Variants in RASL12 observed in about 807,000 individuals in gnomAD.
The protein encoded by RASL12 is RAS like family 12, also known as ras-like protein family member 12.
In RASL12, 16 loss-of-function variants were observed where a neutral mutation model predicts 22.9. The ratio of observed to expected loss-of-function variants is 0.70; its 90% CI spans 0.47 to 1.06. The LOEUF is 1.06. RASL12 is among the 50% of genes least tolerant of loss of function. The probability of loss-of-function intolerance (pLI) is 0.00; values close to 1 mark genes in which losing one functional copy is unlikely to be tolerated. For synonymous variants in RASL12, 159 were observed against 152.2 expected, an observed-to-expected ratio of 1.04 and a Z score of -0.33; for missense variants, 306 against 353.1, an observed-to-expected ratio of 0.87 and a Z score of 1.07.
intron 1 of RASL12, among the ~76,000 whole-genome samples, chr15:65,074,227 C>T (rs1201891261): frequency 2.9e-5 from 4 of 137,438 alleles, no homozygotes; most frequent in African/African-American, 1.1e-4. Context: ...GCCTGTCCCA[C>T]TCCTCTGAGC....
At chr15:65,070,434 T>C (rs1273402490), upstream of RASL12, among the ~76,000 whole-genome samples, 3 of 152,246 alleles carry the variant, frequency 2.0e-5, no homozygotes, top group African/African-American at 7.2e-5. Flanking sequence ...AACCGTTTAG[T>C]GACCAGAAGT....
chr15:65,062,549 G>A (rs1238035847), intron 2 of RASL12, among the ~76,000 whole-genome samples: 2 of 152,164 alleles, frequency 1.3e-5, no homozygotes, highest in Non-Finnish European at 2.9e-5. Flanking sequence ...TATAAAATGA[G>A]GATCGTGATA....
chr15:65,056,572 A>C (rs577712276), intron 4 of RASL12, among the ~76,000 whole-genome samples: 2 of 152,342 alleles, frequency 1.3e-5, no homozygotes, highest in Admixed American at 1.3e-4. Context: ...TCACAAACAC[A>C]AACCCCATGT....
chr15:65,055,331 A>C (rs2086718018), intron 4 of RASL12, 57 bp from the exon 5 acceptor site: 1 of 1,445,764 alleles, frequency 6.9e-7, no homozygotes, highest in Non-Finnish European at 9.2e-7. Context: ...CAAGTCAGGC[A>C]GACCAGCTCC....
upstream of RASL12, among the ~76,000 whole-genome samples, chr15:65,071,988 G>A (rs768518418): frequency 1.3e-5 from 2 of 150,306 alleles, no homozygotes; most frequent in South Asian, 2.1e-4. Flanking sequence ...TTGTTTCCTC[G>A]TCTGTGAAAT....
At position 65,067,778 on chromosome 15, in the gene RASL12, C is replaced by A; in HGVS notation, c.58G>T (p.Glu20Ter). 1 of 1,582,180 alleles carries A rather than the reference C, an allele frequency of 6.3e-7. No homozygotes were observed. Among genetic ancestry groups the A allele is most frequent in the Non-Finnish European group, 8.6e-7 (1 of 1,166,940 alleles). Residue 20 changes from glutamate to a stop codon, truncating the protein, a stop_gained, in exon 1 of 5, where the codon GAG becomes TAG. Transcript: ENST00000220062. LOFTEE classifies it high-confidence loss of function. ...CGCCCCAGGATGGCCAGGTTGACCT[C>A]GAGGGGCGCGCTCTGAGGCCCGCTG... ...AGSGPQSAPL[E>*]VNLAILGRRG...
Position 65,067,797 on chromosome 15 carries a change from C to A in RASL12, c.39G>T (p.Gly13=). 1 of 1,577,924 alleles carries A rather than the reference C, an allele frequency of 6.3e-7. No homozygotes were observed. Among genetic ancestry groups the A allele is most frequent in the South Asian group, 1.1e-5 (1 of 87,472 alleles). Residue 13 remains glycine (G), a synonymous_variant, in exon 1 of 5, where the codon GGG becomes GGT. Coordinates refer to ENST00000220062, the MANE Select transcript of RASL12 (RefSeq NM_016563.4). Reference sequence around the variant, plus strand: ...TGACCTCGAGGGGCGCGCTCTGAGGCCCGCTGCCCGCGCGGGGTTTTCCAA... The same window carrying A: ...TGACCTCGAGGGGCGCGCTCTGAGGACCGCTGCCCGCGCGGGGTTTTCCAA... ...SVFGKPRAGS[G]PQSAPLEVNL...
intron 2 of RASL12, among the ~76,000 whole-genome samples, chr15:65,062,607 C>T (rs2086822814): frequency 1.3e-5 from 2 of 151,254 alleles, no homozygotes; most frequent in Non-Finnish European, 3.0e-5. Context: ...TTACCACCCC[C>T]CCAGTTAAAC....
At chr15:65,065,423 T>C (rs957897008) in intron 1 of RASL12, 150 bp from the exon 2 acceptor site, 44 of 767,250 alleles carry the variant, frequency 5.7e-5, no homozygotes, top group Middle Eastern at 3.7e-4. Flanking sequence ...AACTGAGGAA[T>C]TGGTTTGAAA....
chr15:65,059,525 T>C, intron 2 of RASL12, 107 bp from the exon 3 acceptor site: 1 of 837,732 alleles, frequency 1.2e-6, no homozygotes, highest in Non-Finnish European at 2.0e-6. Context: ...TAGCAGCTGC[T>C]CTGGGGCTGG....
At chr15:65,047,486 A>G in the RASL12 span, among the ~76,000 whole-genome samples, 1 of 152,218 alleles carries the variant, frequency 6.6e-6, no homozygotes, top group African/African-American at 2.4e-5. Context: ...TGAATATCCC[A>G]TGTGTCTAAA....
rs2086683807 is a variant in RASL12 at position 65,053,426 on chromosome 15, C to T, written c.*1473G>A. 1.6e-6 allele frequency: 2 copies of T among 1,264,332 alleles called. No individual in the cohort carries two copies. The highest frequency in any genetic ancestry group is 1.9e-5 in the South Asian group (1 of 52,944). 78.3% of individuals were successfully genotyped at this position (1,264,332 alleles called of 1,614,324 possible). A position where few individuals can be genotyped will look rare whatever the true frequency, so the allele number is the denominator to read the frequency against. On this transcript the variant is annotated 3_prime_UTR_variant, in exon 5 of 5. Transcript: ENST00000220062. ...TTTGTTCAGATGGCAGTGGTACACA[C>T]ACACATACACACACAAGTGGCCTGG...
chr15:65,058,912 G>A (rs1455929072), intron 3 of RASL12, among the ~76,000 whole-genome samples: 4 of 152,270 alleles, frequency 2.6e-5, no homozygotes, highest in Non-Finnish European at 5.9e-5. Flanking sequence ...GGCACCACTG[G>A]TTTTGGGTTG....
At chr15:65,063,270 G>T (rs151281035) in intron 2 of RASL12, among the ~76,000 whole-genome samples, 1 of 151,956 alleles carries the variant, frequency 6.6e-6, no homozygotes, top group Admixed American at 6.5e-5. Context: ...GAATTAGGCC[G>T]AATATGTCTT....
downstream of RASL12, chr15:65,052,909 C>A (rs201553723): frequency 6.4e-7 from 1 of 1,559,712 alleles, no homozygotes; most frequent in Non-Finnish European, 8.8e-7. Context: ...TTTGGGCGAC[C>A]CAGTCCTGCC....
At chr15:65,047,795 TGATAGATAGATAGATA>T in the RASL12 span, among the ~76,000 whole-genome samples, 349 of 149,946 alleles carry the variant, frequency 2.3e-3, 1 homozygote, top group African/African-American at 7.9e-3. Flanking sequence ...GATCGATAGA[TGATAGATAGATAGATA>T]GATAGATAGA....
intron 4 of RASL12, 67 bp from the exon 5 acceptor site, chr15:65,055,341 C>T (rs1446963660): frequency 1.4e-6 from 2 of 1,395,896 alleles, no homozygotes; most frequent in Non-Finnish European, 1.9e-6. Flanking sequence ...AGACCAGCTC[C>T]TACACCCAGC....
downstream of RASL12, among the ~76,000 whole-genome samples, chr15:65,051,192 T>A (rs577547081): frequency 3.3e-5 from 5 of 152,164 alleles, no homozygotes; most frequent in Non-Finnish European, 5.9e-5. Context: ...CTGGCAAAAC[T>A]GAAGATTGTG....
At position 65,054,005 on chromosome 15, in the gene RASL12, C is replaced by A. The variant is rs75542121; in HGVS notation, c.*894G>T. Reference sequence around the variant, plus strand: ...GGGTCCTGCCAAACCAGATGACAAACGGGTATACTGTGTTTCTACCTGCAG... The same window carrying A: ...GGGTCCTGCCAAACCAGATGACAAAAGGGTATACTGTGTTTCTACCTGCAG... On this transcript the variant is annotated 3_prime_UTR_variant, in exon 5 of 5. Transcript: ENST00000220062. The A allele has an allele frequency of 1.7e-5, 17 of 985,892 alleles. No homozygotes were observed. In the East Asian group the frequency reaches 1.5e-3, roughly 86 times the overall value. The allele number at this position is 985,892 out of a possible 1,614,324, so 61.1% of individuals were successfully genotyped here.
Sources: allele counts gnomAD v4.1 joint callset (sites outside exome capture counted in the v4.1 genomes callset), GRCh38; gene constraint gnomAD v4.1.1; transcripts MANE v1.5; gene names NCBI Gene and HGNC (gene_info 2026-07-23, HGNC 2026-07-21).